The following ZFHX3 variants were observed in gnomAD, a reference collection of about 807,000 sequenced individuals.
ZFHX3 encodes zinc finger homeobox 3, also known as zinc finger homeobox protein 3.
A neutral mutation model predicts 279.1 loss-of-function variants in ZFHX3; 42 were observed. The observed-to-expected ratio is 0.15, with a 90% CI of 0.12 to 0.19. The LOEUF is 0.19. Among genes scored for constraint, ZFHX3 ranks in the 10% least tolerant of loss-of-function variants. The pLI, the probability that ZFHX3 is intolerant of heterozygous loss-of-function variation, is 1.00. For synonymous variants in ZFHX3, 2,293 were observed against 1,957.8 expected, an observed-to-expected ratio of 1.17 and a Z score of -4.52; for missense variants, 4,981 against 4,754.0, an observed-to-expected ratio of 1.05 and a Z score of -1.40.
chr16:73,417,832 AT>A (rs2017621876), intron 3 of ZFHX3, among the ~76,000 whole-genome samples: 1 of 150,790 alleles, frequency 6.6e-6, no homozygotes, highest in African/African-American at 2.5e-5. Flanking sequence ...AAATAAAAAA[AT>A]AAAAAATTAG....
At chr16:73,386,402 T>A (rs2016903570) in intron 3 of ZFHX3, among the ~76,000 whole-genome samples, 1 of 152,154 alleles carries the variant, frequency 6.6e-6, no homozygotes, top group East Asian at 1.9e-4. Flanking sequence ...ATGCTCTGAA[T>A]CCCCGTTTGC....
At chr16:73,165,057 T>C (rs902102419) in intron 5 of ZFHX3, among the ~76,000 whole-genome samples, 3 of 152,190 alleles carry the variant, frequency 2.0e-5, no homozygotes, top group Admixed American at 2.0e-4. Context: ...AAAGATGCTA[T>C]GCATAAACTG....
At chr16:73,455,373 G>A (rs1292860176) in intron 3 of ZFHX3, among the ~76,000 whole-genome samples, 1 of 152,136 alleles carries the variant, frequency 6.6e-6, no homozygotes, top group African/African-American at 2.4e-5. Flanking sequence ...GCAAACTAAA[G>A]AGTGAAAATA....
intron 3 of ZFHX3, among the ~76,000 whole-genome samples, chr16:73,376,746 T>A (rs2890063): frequency 6.6e-6 from 1 of 151,892 alleles, no homozygotes; most frequent in African/African-American, 2.4e-5. Flanking sequence ...TCTGTGTCAA[T>A]GGACGACATA....
intron 3 of ZFHX3, among the ~76,000 whole-genome samples, chr16:72,911,696 C>T (rs759753666): frequency 7.2e-5 from 11 of 152,200 alleles, no homozygotes; most frequent in Non-Finnish European, 2.9e-5. Context: ...TTCAATCCCT[C>T]GGTGACACTA....
chr16:73,864,276 G>T (rs757262075), intron 1 of ZFHX3, among the ~76,000 whole-genome samples: 15 of 152,144 alleles, frequency 9.9e-5, no homozygotes, highest in Non-Finnish European at 2.9e-5. Context: ...CGTAGTCAAC[G>T]TTAATATACT....
chr16:73,447,005 A>T (rs1159319867), intron 3 of ZFHX3, among the ~76,000 whole-genome samples: 1 of 151,786 alleles, frequency 6.6e-6, no homozygotes, highest in African/African-American at 2.4e-5. Flanking sequence ...ACAGTGAAAC[A>T]CCATCTCTAC....
chr16:73,595,131 C>T (rs2052035834), intron 2 of ZFHX3, among the ~76,000 whole-genome samples: 3 of 152,140 alleles, frequency 2.0e-5, no homozygotes. Context: ...ATTATCTCTC[C>T]TTTCCCACAC....
At chr16:73,197,914 T>C (rs1307470476) in intron 5 of ZFHX3, among the ~76,000 whole-genome samples, 1 of 148,240 alleles carries the variant, frequency 6.7e-6, no homozygotes, top group Non-Finnish European at 1.5e-5. Flanking sequence ...GTAGAGTATC[T>C]GATTTGGTGG....
At chr16:73,881,484 C>CT (rs1258175741) in intron 1 of ZFHX3, among the ~76,000 whole-genome samples, 1 of 76,886 alleles carries the variant, frequency 1.3e-5, no homozygotes, top group African/African-American at 3.9e-5. Flanking sequence ...CTCTCTGCCC[C>CT]CCCCCCCCAC....
chr16:73,844,865 G>A (rs1326752956), intron 1 of ZFHX3, among the ~76,000 whole-genome samples: 4 of 152,054 alleles, frequency 2.6e-5, no homozygotes, highest in Middle Eastern at 3.4e-3. Flanking sequence ...TAGGTAGGTA[G>A]GTAGGTAGGT....
At chr16:73,833,430 C>G (rs1961052328) in intron 1 of ZFHX3, among the ~76,000 whole-genome samples, 1 of 152,136 alleles carries the variant, frequency 6.6e-6, no homozygotes, top group Non-Finnish European at 1.5e-5. Flanking sequence ...AGTTCCTGTC[C>G]TCAAGAAACT....
chr16:73,753,601 T>G (rs954675638), intron 1 of ZFHX3, among the ~76,000 whole-genome samples: 1 of 152,204 alleles, frequency 6.6e-6, no homozygotes, highest in Non-Finnish European at 1.5e-5. Context: ...GTATTAGCCC[T>G]GCTCAGCAAG....
At chr16:73,640,190 T>TTG (rs1567539953) in intron 2 of ZFHX3, among the ~76,000 whole-genome samples, 1 of 152,176 alleles carries the variant, frequency 6.6e-6, no homozygotes, top group Non-Finnish European at 1.5e-5. Context: ...AAGCTGGACA[T>TTG]TGATGCTCCC....
rs115803719 is a variant in ZFHX3, at chr16:73,440,406, C to T, written c.-1291+15597G>A. On this transcript the variant is annotated intron_variant, in intron 3 of 17. Transcript: ENST00000641206. The stretch of plus-strand genomic sequence containing the variant: ...GACCACCAATTTGGGAGACAGAAAA[C>T]GAACACAAGACAGAAAAACTGTAGT... 4.5e-3 allele frequency among the ~76,000 whole-genome samples: 684 copies of T among 152,212 alleles called. 4 individuals are homozygous for T. Among genetic ancestry groups the T allele is most frequent in the African/African-American group, 0.015 (641 of 41,536 alleles).
intron 1 of ZFHX3, among the ~76,000 whole-genome samples, chr16:73,028,260 T>C (rs946995911): frequency 9.9e-5 from 15 of 152,094 alleles, no homozygotes; most frequent in African/African-American, 3.1e-4. Flanking sequence ...TTTAGAGAAA[T>C]GAGCTTCCTG....
intron 2 of ZFHX3, among the ~76,000 whole-genome samples, chr16:73,535,355 T>G (rs2143736751): frequency 6.6e-6 from 1 of 152,348 alleles, no homozygotes; most frequent in Non-Finnish European, 1.5e-5. Flanking sequence ...ATCAAAATTC[T>G]TAGGAATTTA....
chr16:72,808,940 G>C (rs2036354736), intron 7 of ZFHX3, among the ~76,000 whole-genome samples: 1 of 152,200 alleles, frequency 6.6e-6, no homozygotes, highest in Non-Finnish European at 1.5e-5. Flanking sequence ...TCTCCATAAA[G>C]GTTAAGAATC....
intron 5 of ZFHX3, among the ~76,000 whole-genome samples, chr16:73,200,852 T>C (rs891353254): frequency 6.6e-6 from 1 of 152,266 alleles, no homozygotes; most frequent in Non-Finnish European, 1.5e-5. Context: ...TTTTTAATTA[T>C]GTATTACCTG....
Sources: allele counts gnomAD v4.1 joint callset (sites outside exome capture counted in the v4.1 genomes callset), GRCh38; gene constraint gnomAD v4.1.1; transcripts MANE v1.5; gene names NCBI Gene and HGNC (gene_info 2026-07-23, HGNC 2026-07-21).